The following CAMTA1 variants were observed in gnomAD, a reference collection of about 807,000 sequenced individuals.
CAMTA1 encodes the protein calmodulin binding transcription activator 1.
In CAMTA1, 27 loss-of-function variants were observed where a neutral mutation model predicts 170.9. That is an observed-to-expected ratio of 0.16 (90% CI 0.12 to 0.22). The LOEUF is 0.22. Among genes scored for constraint, CAMTA1 ranks in the 10% least tolerant of loss-of-function variants. CAMTA1 has a pLI of 1.00. For synonymous variants in CAMTA1, 833 were observed against 891.5 expected (o/e 0.93, Z 1.17); for missense variants, 1,619 against 2,217.2 (o/e 0.73, Z 5.42).
At chr1:7,498,716 T>C (rs957579648) in intron 6 of CAMTA1, among the ~76,000 whole-genome samples, 9 of 151,200 alleles carry the variant, frequency 6.0e-5, no homozygotes, top group Admixed American at 5.3e-4. Flanking sequence ...TGCACATGGG[T>C]GTACATGAGT....
rs568976660 is a variant in CAMTA1, at chr1:6,905,843, C to T, written c.234+80633C>T. 4.6e-5 allele frequency among the ~76,000 whole-genome samples: 7 copies of T among 152,226 alleles called. No homozygotes were observed. In the East Asian group the frequency reaches 5.8e-4, roughly 13 times the overall value. On this transcript the variant is annotated intron_variant, in intron 3 of 22. Transcript: ENST00000303635. ...CAGGGCCTCATATACAGAGTGTGCT[C>T]GGTGCAGGGTTGCCAGAGTGCAGAG...
intron 7 of CAMTA1, among the ~76,000 whole-genome samples, chr1:7,655,097 CA>C (rs1417048502): frequency 1.7e-3 from 22 of 13,024 alleles, no homozygotes; most frequent in East Asian, 0.016. Context: ...CCTATACACA[CA>C]CACCTATACA....
intron 5 of CAMTA1, among the ~76,000 whole-genome samples, chr1:7,420,459 G>A (rs1318922776): frequency 6.6e-6 from 1 of 152,092 alleles, no homozygotes; most frequent in East Asian, 1.9e-4. Flanking sequence ...TGTATCCTCA[G>A]TGCCTACCAC....
At chr1:7,661,990 G>A (rs2095962671) in intron 8 of CAMTA1, 124 bp downstream of exon 8, 4 of 1,181,474 alleles carry the variant, frequency 3.4e-6, no homozygotes, top group Non-Finnish European at 4.7e-6. Flanking sequence ...GGGACAGTCA[G>A]GGACTGGGCG....
chr1:7,132,920 T>C (rs143358650), intron 4 of CAMTA1, among the ~76,000 whole-genome samples: 79 of 152,356 alleles, frequency 5.2e-4, no homozygotes, highest in Non-Finnish European at 8.5e-4. Flanking sequence ...TTAATTGATT[T>C]TCAAATGTTA....
chr1:7,112,882 C>T (rs747744609), intron 4 of CAMTA1, among the ~76,000 whole-genome samples: 1 of 152,192 alleles, frequency 6.6e-6, no homozygotes, highest in Non-Finnish European at 1.5e-5. Context: ...CACTTCCTTG[C>T]GCGGAGGTGG....
chr1:7,540,331 G>A (rs1418415169), intron 6 of CAMTA1, among the ~76,000 whole-genome samples: 1 of 152,206 alleles, frequency 6.6e-6, no homozygotes, highest in African/African-American at 2.4e-5. Flanking sequence ...TACGGGCAGG[G>A]TTTAGTCAGG....
chr1:7,084,590 G>C (rs939097602), intron 3 of CAMTA1, among the ~76,000 whole-genome samples: 2 of 152,246 alleles, frequency 1.3e-5, no homozygotes, highest in Admixed American at 6.5e-5. Context: ...TGGACCGAGG[G>C]GGGCAGGGGG....
intron 3 of CAMTA1, among the ~76,000 whole-genome samples, chr1:6,956,872 C>T (rs1412041622): frequency 6.6e-6 from 1 of 152,214 alleles, no homozygotes; most frequent in Non-Finnish European, 1.5e-5. Flanking sequence ...TGAGGCTCCT[C>T]CACCCTCATC....
intron 5 of CAMTA1, among the ~76,000 whole-genome samples, chr1:7,419,846 C>T (rs563063578): frequency 3.3e-4 from 50 of 152,094 alleles, no homozygotes; most frequent in Non-Finnish European, 6.3e-4. Flanking sequence ...TTCCTCTCCA[C>T]CCCCCACCCA....
chr1:7,379,948 T>C (rs1171119707), intron 5 of CAMTA1, among the ~76,000 whole-genome samples: 1 of 152,174 alleles, frequency 6.6e-6, no homozygotes. Flanking sequence ...GACTGCCAAG[T>C]GAGCGGTGGA....
chr1:7,187,019 C>G (rs116624484), intron 4 of CAMTA1, among the ~76,000 whole-genome samples: 1 of 152,082 alleles, frequency 6.6e-6, no homozygotes, highest in African/African-American at 2.4e-5. Flanking sequence ...TCAGTGCTCA[C>G]TTGGTCTGGG....
At chr1:7,676,001 TC>T (rs904193079) in intron 10 of CAMTA1, among the ~76,000 whole-genome samples, 2 of 151,914 alleles carry the variant, frequency 1.3e-5, no homozygotes, top group East Asian at 1.9e-4. Context: ...GAAGAGGCCA[TC>T]CCCCCCGACC....
chr1:6,861,671 T>C (rs989540937), intron 3 of CAMTA1, among the ~76,000 whole-genome samples: 2 of 152,220 alleles, frequency 1.3e-5, no homozygotes, highest in African/African-American at 4.8e-5. Flanking sequence ...TGACACGTCA[T>C]TGTAGCTTGA....
chr1:7,051,264 G>A (rs1375378325), intron 3 of CAMTA1, among the ~76,000 whole-genome samples: 1 of 152,188 alleles, frequency 6.6e-6, no homozygotes, highest in Non-Finnish European at 1.5e-5. Flanking sequence ...AACGCAGTGA[G>A]CTGTTTGGGA....
chr1:6,919,249 C>G (rs999097609), intron 3 of CAMTA1, among the ~76,000 whole-genome samples: 4 of 152,210 alleles, frequency 2.6e-5, no homozygotes, highest in African/African-American at 9.6e-5. Flanking sequence ...CTTCACCTCT[C>G]TATCCCCTCA....
chr1:6,904,733 A>ATTTTTTT lies in CAMTA1; in HGVS notation c.234+79549_234+79555dup, dbSNP rs70984036. On this transcript the variant is annotated intron_variant, in intron 3 of 22. Coordinates refer to ENST00000303635, the MANE Select transcript of CAMTA1 (RefSeq NM_015215.4). ...AGGCATGCGCCACCATGCCCAGCTA[A>ATTTTTTT]TTTTTTTTTTTTTTTTTTTTTTTTT... Among the ~76,000 whole-genome samples the ATTTTTTT allele has an allele frequency of 6.6e-4, 47 of 70,996 alleles. 1 individual carries two copies. Among genetic ancestry groups the ATTTTTTT allele is most frequent in the Admixed American group, 1.6e-3 (6 of 3,816 alleles). The allele number at this position is 70,996 out of a possible 152,430, so 46.6% of individuals were successfully genotyped here.
chr1:7,175,647 G>A (rs954077040), intron 4 of CAMTA1, among the ~76,000 whole-genome samples: 1 of 152,256 alleles, frequency 6.6e-6, no homozygotes, highest in Non-Finnish European at 1.5e-5. Flanking sequence ...AAATCCTGCA[G>A]CCACCCCAGC....
rs916427741 is a variant in CAMTA1 at position 7,234,552 on chromosome 1, A to G, written c.303-14939A>G. ...GAATGCTCAGCCGTGATAGCTGCTCAGTAAATATTAACTGAACAAATCAGT... is the reference window on the plus strand; with the variant it reads ...GAATGCTCAGCCGTGATAGCTGCTCGGTAAATATTAACTGAACAAATCAGT... On this transcript the variant is annotated intron_variant, in intron 4 of 22. Transcript: ENST00000303635. This position sits in a 1 kb window ranked among gnomAD's most constrained non-coding sequence, Gnocchi z 5.0. Among the ~76,000 whole-genome samples, 2 of 152,218 alleles carry G rather than the reference A, an allele frequency of 1.3e-5. No individual in the cohort carries two copies. Among genetic ancestry groups the G allele is most frequent in the African/African-American group, 4.8e-5 (2 of 41,468 alleles).
Sources: allele counts gnomAD v4.1 joint callset (sites outside exome capture counted in the v4.1 genomes callset), GRCh38; gene constraint gnomAD v4.1.1; non-coding constraint Gnocchi (gnomAD v3.1); transcripts MANE v1.5; gene names NCBI Gene and HGNC (gene_info 2026-07-23, HGNC 2026-07-21).